The following RFX3 variants were observed in gnomAD, a reference collection of about 807,000 sequenced individuals.
The protein encoded by RFX3 is transcription factor RFX3.
RFX3 carries 14 observed loss-of-function variants against 98.6 expected under a neutral mutation model. That is an observed-to-expected ratio of 0.14 (90% CI 0.09 to 0.22). The LOEUF (loss-of-function observed/expected upper bound fraction) is 0.22. Among genes scored for constraint, RFX3 ranks in the 10% least tolerant of loss-of-function variants. The pLI, the probability that RFX3 is intolerant of heterozygous loss-of-function variation, is 1.00. For missense variants in RFX3, 639 were observed against 926.9 expected, an observed-to-expected ratio of 0.69 and a Z score of 4.03; for synonymous variants, 383 against 328.4, an observed-to-expected ratio of 1.17 and a Z score of -1.80.
rs146929003 is a variant in RFX3, at chr9:3,491,891, T to A, written c.-9+33856A>T. On this transcript the variant is annotated intron_variant, in intron 1 of 16. Transcript: ENST00000617270. Reference sequence around the variant, plus strand: ...GTATCACACATACAAAAATTAAATATATAATACAGTCTCCCCATACTAATA... The same window carrying A: ...GTATCACACATACAAAAATTAAATAAATAATACAGTCTCCCCATACTAATA... Among the ~76,000 whole-genome samples, 667 of 152,300 alleles carry A rather than the reference T, an allele frequency of 4.4e-3. 3 individuals are homozygous for A. The highest frequency in any genetic ancestry group is 0.016 in the African/African-American group (651 of 41,558).
chr9:3,434,234 T>G (rs1844917172), intron 1 of RFX3, among the ~76,000 whole-genome samples: 1 of 152,168 alleles, frequency 6.6e-6, no homozygotes, highest in African/African-American at 2.4e-5. Context: ...CCTAGATCAG[T>G]GTCTGACACG....
intron 5 of RFX3, among the ~76,000 whole-genome samples, chr9:3,298,408 C>T (rs1828255889): frequency 6.6e-6 from 1 of 151,740 alleles, no homozygotes; most frequent in East Asian, 1.9e-4. Flanking sequence ...ACATGATTGG[C>T]AAAGGCATCC....
At chr9:3,264,230 T>C (rs538395143) in intron 12 of RFX3, among the ~76,000 whole-genome samples, 16 of 152,296 alleles carry the variant, frequency 1.1e-4, no homozygotes, top group African/African-American at 3.1e-4. Context: ...GAAATCTAAA[T>C]CTCATAATCT....
intron 5 of RFX3, among the ~76,000 whole-genome samples, chr9:3,293,711 T>G (rs905601377): frequency 2.6e-5 from 4 of 152,110 alleles, no homozygotes; most frequent in African/African-American, 2.4e-5. Context: ...CTGGTATGAG[T>G]GTTTATATTA....
In RFX3 at chr9:3,346,778, A is replaced by G; in HGVS notation, c.118-14T>C. On this transcript the variant is annotated splice_polypyrimidine_tract_variant and intron_variant, in intron 2 of 16. Coordinates refer to ENST00000617270, the MANE Select transcript of RFX3 (RefSeq NM_001282116.2). Reference sequence around the variant, plus strand: ...TACCTGCTGTACCTGAAAAACAAGTATTAGGACCTTGGTAAGAGGTAGGTA... The same window carrying G: ...TACCTGCTGTACCTGAAAAACAAGTGTTAGGACCTTGGTAAGAGGTAGGTA... The G allele has an allele frequency of 6.4e-7, 1 of 1,562,860 alleles. No homozygotes were observed. Among genetic ancestry groups the G allele is most frequent in the Non-Finnish European group, 8.8e-7 (1 of 1,133,336 alleles).
At chr9:3,368,121 T>C (rs1837414478) in intron 2 of RFX3, among the ~76,000 whole-genome samples, 1 of 152,192 alleles carries the variant, frequency 6.6e-6, no homozygotes, top group Admixed American at 6.5e-5. Flanking sequence ...TGCCTCTAAG[T>C]GAAAATGCAA....
intron 1 of RFX3, among the ~76,000 whole-genome samples, chr9:3,502,972 G>A (rs187897690): frequency 1.4e-3 from 220 of 152,270 alleles, no homozygotes; most frequent in African/African-American, 5.2e-3. Flanking sequence ...AATATGCTTA[G>A]ATGTTTCCTA....
chr9:3,228,830 T>C lies in RFX3; in HGVS notation c.2011+17A>G, dbSNP rs541465184. The C allele has an allele frequency of 3.1e-6, 5 of 1,599,500 alleles. No individual in the cohort carries two copies. The African/African-American group carries it at 6.8e-5, about 22-fold the overall frequency. On this transcript the variant is annotated intron_variant, in intron 16 of 16. Transcript: ENST00000617270. ...TAAATAAAAGTTCTTAAAATGTACA[T>C]TATTTTCGATTCTTACCTTTATCCA... is the stretch of plus-strand genomic sequence containing the variant.
chr9:3,305,227 G>C (rs1829142511), intron 4 of RFX3, among the ~76,000 whole-genome samples: 1 of 151,966 alleles, frequency 6.6e-6, no homozygotes, highest in Non-Finnish European at 1.5e-5. Flanking sequence ...ATATGGGAGT[G>C]GTATGAGTGA....
chr9:3,464,058 T>C (rs765785044), intron 1 of RFX3, among the ~76,000 whole-genome samples: 1 of 152,064 alleles, frequency 6.6e-6, no homozygotes, highest in Non-Finnish European at 1.5e-5. Context: ...AATTAATCAT[T>C]TTAGGGAAAT....
At chr9:3,263,131 A>G (rs768122863) in intron 12 of RFX3, 47 bp from the exon 13 acceptor site, 1 of 1,588,070 alleles carries the variant, frequency 6.3e-7, no homozygotes, top group Non-Finnish European at 8.6e-7. Flanking sequence ...CTCCAGTAAA[A>G]GAAACCACTG....
At chr9:3,491,827 TATTATTCA>T (rs1850743095) in intron 1 of RFX3, among the ~76,000 whole-genome samples, 1 of 152,190 alleles carries the variant, frequency 6.6e-6, no homozygotes, top group African/African-American at 2.4e-5. Context: ...CCTTCTTGTA[TATTATTCA>T]ATTATTCATT....
chr9:3,310,935 C>G (rs1829881901), intron 4 of RFX3, among the ~76,000 whole-genome samples: 1 of 151,960 alleles, frequency 6.6e-6, no homozygotes, highest in African/African-American at 2.4e-5. Flanking sequence ...TACTTTCTAA[C>G]TGGAAAAATT....
intron 3 of RFX3, among the ~76,000 whole-genome samples, chr9:3,342,494 A>C (rs1313242603): frequency 6.6e-6 from 1 of 152,220 alleles, no homozygotes; most frequent in Non-Finnish European, 1.5e-5. Context: ...ATCTCTAAAG[A>C]GTGGGCAAGT....
chr9:3,308,317 C>T (rs1265632002), intron 4 of RFX3, among the ~76,000 whole-genome samples: 1 of 152,156 alleles, frequency 6.6e-6, no homozygotes, highest in African/African-American at 2.4e-5. Flanking sequence ...TGTTGGTTCT[C>T]AGCCAAAGAT....
chr9:3,261,061 T>G (rs1382936266), intron 13 of RFX3, among the ~76,000 whole-genome samples: 1 of 151,768 alleles, frequency 6.6e-6, no homozygotes, highest in Non-Finnish European at 1.5e-5. Context: ...AAGTAGAAAT[T>G]AAAATTTCTA....
intron 4 of RFX3, among the ~76,000 whole-genome samples, chr9:3,314,133 T>C (rs957766503): frequency 2.6e-5 from 4 of 152,150 alleles, no homozygotes; most frequent in African/African-American, 7.2e-5. Context: ...AAAGGTCGGG[T>C]TACCCACAAA....
chr9:3,418,844 G>A (rs537254929), intron 1 of RFX3, among the ~76,000 whole-genome samples: 1 of 152,166 alleles, frequency 6.6e-6, no homozygotes, highest in Non-Finnish European at 1.5e-5. Flanking sequence ...AACAAAGCTG[G>A]GGCAATCTCT....
intron 1 of RFX3, among the ~76,000 whole-genome samples, chr9:3,479,462 G>T (rs558553887): frequency 6.6e-6 from 1 of 151,862 alleles, no homozygotes; most frequent in African/African-American, 2.4e-5. Flanking sequence ...ATCTCTAATA[G>T]AAACTTATGA....
Sources: gnomAD v4.1 joint callset for allele counts (sites outside exome capture counted in the v4.1 genomes callset) on GRCh38, gnomAD v4.1.1 for gene constraint, MANE v1.5 for transcripts, NCBI Gene and HGNC (gene_info 2026-07-23, HGNC 2026-07-21) for gene names.